CNTNAP5: variants seen among roughly 807,000 people sequenced by gnomAD.
CNTNAP5 encodes contactin associated protein family member 5, also known as contactin-associated protein-like 5.
CNTNAP5 carries 72 observed loss-of-function variants against 150.2 expected under a neutral mutation model. The ratio of observed to expected loss-of-function variants is 0.48; its 90% CI spans 0.40 to 0.58. CNTNAP5 has a LOEUF of 0.58. Ranked by LOEUF, CNTNAP5 falls within the 20% of genes least tolerant of loss-of-function variation. The pLI is 0.00. For synonymous variants in CNTNAP5, 672 were observed against 619.8 expected (o/e 1.08, Z -1.25); for missense variants, 1,636 against 1,626.2 (o/e 1.01, Z -0.10).
chr2:124,121,453 A>G (rs925623896), intron 1 of CNTNAP5, among the ~76,000 whole-genome samples: 8 of 152,150 alleles, frequency 5.3e-5, no homozygotes, highest in Non-Finnish European at 1.5e-5. Context: ...GGTTTCACCG[A>G]CATCAGCACA....
intron 3 of CNTNAP5, among the ~76,000 whole-genome samples, chr2:124,381,690 T>C (rs113395237): frequency 0.011 from 1,736 of 152,198 alleles, 27 homozygotes; most frequent in African/African-American, 0.039. Context: ...GAGTCACCTA[T>C]GAGCCTGGGA....
chr2:124,067,099 A>G (rs571434540), intron 1 of CNTNAP5, among the ~76,000 whole-genome samples: 1 of 152,302 alleles, frequency 6.6e-6, no homozygotes, highest in Non-Finnish European at 1.5e-5. Context: ...CACTTGATAT[A>G]TATTCAATAA....
Position 124,820,689 on chromosome 2 carries a change from C to A in CNTNAP5, c.3217+22369C>A, listed in dbSNP as rs1682468156. 2.0e-5 allele frequency among the ~76,000 whole-genome samples: 3 copies of A among 152,164 alleles called. No individual in the cohort carries two copies. In the South Asian group the frequency reaches 6.2e-4, roughly 32 times the overall value. ...TCTTCTCTTAAATATGGTAGTCCCT[C>A]ATATTTATTCAACAAGTCATTATGC... On this transcript the variant is annotated intron_variant, in intron 19 of 23. Transcript: ENST00000682447.
intron 12 of CNTNAP5, among the ~76,000 whole-genome samples, chr2:124,642,316 T>A (rs1451622154): frequency 6.6e-6 from 1 of 152,194 alleles, no homozygotes; most frequent in Non-Finnish European, 1.5e-5. Flanking sequence ...TATGTGTGTG[T>A]TTTGATCTTT....
chr2:124,201,819 T>C (rs188227996), intron 1 of CNTNAP5, among the ~76,000 whole-genome samples: 1 of 152,236 alleles, frequency 6.6e-6, no homozygotes, highest in Non-Finnish European at 1.5e-5. Flanking sequence ...CAAAAGTCTA[T>C]GATACAAGCT....
At chr2:124,192,636 C>T (rs1409263621) in intron 1 of CNTNAP5, among the ~76,000 whole-genome samples, 4 of 152,152 alleles carry the variant, frequency 2.6e-5, no homozygotes, top group Non-Finnish European at 4.4e-5. Flanking sequence ...AGCTGTGGCA[C>T]CTCTAACCAA....
At chr2:124,879,723 A>G (rs143507225) in intron 21 of CNTNAP5, among the ~76,000 whole-genome samples, 1,847 of 152,262 alleles carry the variant, frequency 0.012, 18 homozygotes, top group Middle Eastern at 0.02. Context: ...GCTACTGTTA[A>G]TAAGATCATA....
intron 21 of CNTNAP5, among the ~76,000 whole-genome samples, chr2:124,870,848 C>G (rs1677732610): frequency 6.6e-6 from 1 of 151,938 alleles, no homozygotes; most frequent in Non-Finnish European, 1.5e-5. Flanking sequence ...ATCACGGGCC[C>G]CTGCTTTTGC....
intron 7 of CNTNAP5, among the ~76,000 whole-genome samples, chr2:124,487,682 C>A (rs1324571529): frequency 6.6e-6 from 1 of 151,978 alleles, no homozygotes; most frequent in East Asian, 2.0e-4. Flanking sequence ...ATATAATCCT[C>A]CATATTGCAA....
chr2:124,576,174 A>ATATCTATATC, intron 11 of CNTNAP5, among the ~76,000 whole-genome samples: 1 of 144,208 alleles, frequency 6.9e-6, no homozygotes, highest in Non-Finnish European at 1.5e-5. Context: ...ATATCTATAT[A>ATATCTATATC]TATGTGCAGA....
At chr2:124,048,125 A>G (rs1681589319) in intron 1 of CNTNAP5, among the ~76,000 whole-genome samples, 1 of 152,178 alleles carries the variant, frequency 6.6e-6, no homozygotes, top group Non-Finnish European at 1.5e-5. Context: ...TCATATGCAT[A>G]TCTTTAATCT....
chr2:124,407,019 G>A (rs2553622), intron 3 of CNTNAP5, among the ~76,000 whole-genome samples: 146,058 of 152,258 alleles, frequency 0.96, 70,107 homozygotes, highest in East Asian at 1. Context: ...ATGTTGTTGC[G>A]AATGACATGA....
chr2:124,146,106 G>T (rs1684247242), intron 1 of CNTNAP5, among the ~76,000 whole-genome samples: 2 of 152,128 alleles, frequency 1.3e-5, no homozygotes, highest in Admixed American at 1.3e-4. Context: ...AAGAGAAAGG[G>T]AGATGGAGGC....
At chr2:124,205,984 G>A (rs1248201918) in intron 1 of CNTNAP5, among the ~76,000 whole-genome samples, 1 of 152,188 alleles carries the variant, frequency 6.6e-6, no homozygotes. Flanking sequence ...GTGATTTAAA[G>A]TTTCGTTTGA....
At chr2:124,195,703 A>G (rs970465436) in intron 1 of CNTNAP5, among the ~76,000 whole-genome samples, 7 of 152,172 alleles carry the variant, frequency 4.6e-5, no homozygotes, top group Non-Finnish European at 1.0e-4. Flanking sequence ...CTTGTGGAGG[A>G]TGCAGAGGGG....
chr2:124,713,241 TTCTCTTTCTTTC>T (rs777371512), intron 13 of CNTNAP5, among the ~76,000 whole-genome samples: 801 of 55,992 alleles, frequency 0.014, 107 homozygotes, highest in Middle Eastern at 0.029. Context: ...CTTTCTTTCT[TTCTCTTTCTTTC>T]TTTCTTTCTT....
intron 1 of CNTNAP5, among the ~76,000 whole-genome samples, chr2:124,212,829 C>CTTTTTTTT (rs66534077): frequency 4.8e-5 from 3 of 62,872 alleles, no homozygotes; most frequent in Non-Finnish European, 8.2e-5. Flanking sequence ...GTAGATAAAT[C>CTTTTTTTT]TTTTTTTTTT....
rs911291415 is a variant in CNTNAP5 at position 124,412,534 on chromosome 2, A to G, written c.382-4909A>G. On this transcript the variant is annotated intron_variant, in intron 3 of 23. Coordinates refer to ENST00000682447, the MANE Select transcript of CNTNAP5 (RefSeq NM_001367498.1). ...ATGGTACTGGTACCAAAACAGAGAT[A>G]TAGATCAATGGAACAGAGCAGAGCC... Among the ~76,000 whole-genome samples, 24 of 152,012 alleles carry G rather than the reference A, an allele frequency of 1.6e-4. No homozygotes were observed. The East Asian group carries it at 4.5e-3, about 28-fold the overall frequency.
chr2:124,478,609 T>G (rs943860071), intron 7 of CNTNAP5, among the ~76,000 whole-genome samples: 2 of 152,156 alleles, frequency 1.3e-5, no homozygotes, highest in African/African-American at 4.8e-5. Context: ...CACTGTTAAA[T>G]ACCGAAGTAC....
Sources: gnomAD v4.1 joint callset for allele counts (sites outside exome capture counted in the v4.1 genomes callset) on GRCh38, gnomAD v4.1.1 for gene constraint, MANE v1.5 for transcripts, NCBI Gene and HGNC (gene_info 2026-07-23, HGNC 2026-07-21) for gene names.